The following PTPRT variants were observed in gnomAD, a reference collection of about 807,000 sequenced individuals.
The protein encoded by PTPRT is protein tyrosine phosphatase receptor type T.
PTPRT carries 56 observed loss-of-function variants against 176.8 expected under a neutral mutation model. That is an observed-to-expected ratio of 0.32 (90% confidence interval 0.26 to 0.40). The LOEUF (loss-of-function observed/expected upper bound fraction) is 0.40. Ranked by LOEUF, PTPRT falls within the 10% of genes least tolerant of loss-of-function variation. The pLI is 1.00. For missense variants in PTPRT, 1,540 were observed against 1,908.2 expected (o/e 0.81, Z 3.60); for synonymous variants, 783 against 739.0 (o/e 1.06, Z -0.96).
intron 7 of PTPRT, among the ~76,000 whole-genome samples, chr20:42,560,267 G>A (rs147781009): frequency 6.6e-6 from 1 of 152,308 alleles, no homozygotes; most frequent in African/African-American, 2.4e-5. Flanking sequence ...ACAGGCATGG[G>A]ATTGGAGAAT....
intron 6 of PTPRT, among the ~76,000 whole-genome samples, chr20:42,684,811 C>G (rs2075664094): frequency 6.6e-6 from 1 of 152,126 alleles, no homozygotes; most frequent in African/African-American, 2.4e-5. Flanking sequence ...AGACTAAAAA[C>G]TCTGGTTCCA....
chr20:42,829,945 T>C (rs140070392), intron 2 of PTPRT, among the ~76,000 whole-genome samples: 16 of 152,184 alleles, frequency 1.1e-4, no homozygotes, highest in Admixed American at 8.5e-4. Context: ...TGAAATTGAA[T>C]TGGTAATAAA....
chr20:42,082,123 G>T, intron 29 of PTPRT, 106 bp from the exon 30 acceptor site: 1 of 1,476,068 alleles, frequency 6.8e-7, no homozygotes, highest in Non-Finnish European at 9.3e-7. Flanking sequence ...CTGGGCAGAT[G>T]CAAGGCAAGG....
At chr20:42,831,161 G>A (rs1391910369) in intron 2 of PTPRT, among the ~76,000 whole-genome samples, 1 of 152,118 alleles carries the variant, frequency 6.6e-6, no homozygotes, top group African/African-American at 2.4e-5. Flanking sequence ...AAACAGCACG[G>A]TATAGGTACC....
At chr20:42,996,445 G>A (rs1485706544) in intron 1 of PTPRT, among the ~76,000 whole-genome samples, 1 of 152,132 alleles carries the variant, frequency 6.6e-6, no homozygotes, top group Non-Finnish European at 1.5e-5. Flanking sequence ...GAGAAAGAGG[G>A]AAGATGTATC....
At chr20:42,735,861 G>A (rs1385312090) in intron 6 of PTPRT, among the ~76,000 whole-genome samples, 6 of 152,044 alleles carry the variant, frequency 3.9e-5, no homozygotes, top group Non-Finnish European at 7.4e-5. Context: ...CAGCCACTCG[G>A]CCCTCAACTT....
intron 9 of PTPRT, among the ~76,000 whole-genome samples, chr20:42,444,199 A>G (rs531124595): frequency 2.6e-5 from 4 of 152,286 alleles, no homozygotes; most frequent in Non-Finnish European, 4.4e-5. Context: ...TGCCTAAGTC[A>G]TTTCCACCTC....
intron 1 of PTPRT, among the ~76,000 whole-genome samples, chr20:43,119,276 G>C (rs2013170177): frequency 6.6e-6 from 1 of 152,176 alleles, no homozygotes; most frequent in Non-Finnish European, 1.5e-5. Flanking sequence ...TTTGGGGACG[G>C]CAAGTAGTTT....
At chr20:42,087,969 TGAG>T (rs1984180518) in intron 27 of PTPRT, among the ~76,000 whole-genome samples, 1 of 149,870 alleles carries the variant, frequency 6.7e-6, no homozygotes, top group African/African-American at 2.4e-5. Context: ...TAACTTTAGC[TGAG>T]GAGAGAATGT....
intron 9 of PTPRT, among the ~76,000 whole-genome samples, chr20:42,416,289 A>G (rs78131298): frequency 0.03 from 4,578 of 152,240 alleles, 104 homozygotes; most frequent in South Asian, 0.064. Flanking sequence ...GCTAGAAGAA[A>G]GGCATGGAAC....
intron 7 of PTPRT, among the ~76,000 whole-genome samples, chr20:42,531,067 C>A (rs1419760271): frequency 2.6e-5 from 4 of 152,208 alleles, no homozygotes; most frequent in African/African-American, 9.6e-5. Flanking sequence ...ATGTGACCCA[C>A]CTGCGGTTTG....
intron 6 of PTPRT, among the ~76,000 whole-genome samples, chr20:42,683,275 T>TGTTTTGTTTTGTTTTGTTTTGTTTTG (rs2075635588): frequency 6.6e-6 from 1 of 151,864 alleles, no homozygotes; most frequent in African/African-American, 2.4e-5. Context: ...TTGTTTTTTT[T>TGTTTTGTTTTGTTTTGTTTTGTTTTG]GTTTTGTTTT....
At chr20:43,146,134 CT>C (rs1055470015) in intron 1 of PTPRT, among the ~76,000 whole-genome samples, 32 of 152,090 alleles carry the variant, frequency 2.1e-4, no homozygotes, top group Admixed American at 2.1e-3. Flanking sequence ...TCTTCTTGGA[CT>C]TTTTTTCTCT....
chr20:42,612,979 G>T (rs1030012261), intron 7 of PTPRT, among the ~76,000 whole-genome samples: 1 of 152,062 alleles, frequency 6.6e-6, no homozygotes, highest in Admixed American at 6.6e-5. Flanking sequence ...TATGCATAGG[G>T]GGAAAAAAGA....
intron 1 of PTPRT, among the ~76,000 whole-genome samples, chr20:43,064,546 G>A (rs1228844282): frequency 6.6e-6 from 1 of 152,182 alleles, no homozygotes; most frequent in East Asian, 1.9e-4. Flanking sequence ...GCTTATGCAA[G>A]ACAAATACTT....
chr20:42,345,109 G>A (rs1323651351), intron 11 of PTPRT, among the ~76,000 whole-genome samples: 1 of 151,992 alleles, frequency 6.6e-6, no homozygotes, highest in African/African-American at 2.4e-5. Context: ...TTCTTTTTCT[G>A]ATTGTCTTTC....
intron 2 of PTPRT, among the ~76,000 whole-genome samples, chr20:42,820,934 C>T (rs1268036061): frequency 2.0e-5 from 3 of 152,134 alleles, no homozygotes; most frequent in East Asian, 1.9e-4. Flanking sequence ...GGCTACCAAC[C>T]AAAAAAGGCT....
chr20:43,003,170 TG>T (rs1568728021), intron 1 of PTPRT, among the ~76,000 whole-genome samples: 1 of 152,056 alleles, frequency 6.6e-6, no homozygotes, highest in African/African-American at 2.4e-5. Flanking sequence ...GTAATTCTTG[TG>T]TCTTTATTTG....
chr20:42,715,125 C>G (rs77949231), intron 6 of PTPRT, among the ~76,000 whole-genome samples: 2 of 152,160 alleles, frequency 1.3e-5, no homozygotes, highest in Non-Finnish European at 2.9e-5. Context: ...ATAGATCCCT[C>G]CTAACAAAGT....
Sources: gnomAD v4.1 joint callset for allele counts (sites outside exome capture counted in the v4.1 genomes callset) on GRCh38, gnomAD v4.1.1 for gene constraint, MANE v1.5 for transcripts, NCBI Gene and HGNC (gene_info 2026-07-23, HGNC 2026-07-21) for gene names.